The following ZNF124 variants were observed in gnomAD, a reference collection of about 807,000 sequenced individuals.
ZNF124 encodes the protein zinc finger protein 124, also known as zinc finger protein HZF-16.
ZNF124 carries 25 observed loss-of-function variants against 26.6 expected under a neutral mutation model. The ratio of observed to expected loss-of-function variants is 0.94; its 90% CI spans 0.68 to 1.31. The LOEUF is 1.31. Among genes scored for constraint, ZNF124 ranks in the 40% most tolerant of loss-of-function variants. ZNF124 has a pLI of 0.00. For synonymous variants in ZNF124, 129 were observed against 133.3 expected (o/e 0.97, Z 0.22); for missense variants, 444 against 422.2 (o/e 1.05, Z -0.45).
At position 247,157,031 on chromosome 1, in the gene ZNF124, T is replaced by C; in HGVS notation, c.591A>G (p.Glu197=). The change falls in exon 4 of 4, where the codon GAA becomes GAG. Residue 197 remains glutamate (E), a synonymous_variant. Transcript: ENST00000543802. ...FSRSSHLRDH[E]RTHTGEKPYE... is the part of the protein sequence containing the mutation. ...AGGGTTTCTCTCCAGTATGAGTTCT[T>C]TCATGGTCACGAAGGTGACTGGAAC... is the stretch of plus-strand genomic sequence containing the variant. The C allele has an allele frequency of 6.2e-7, 1 of 1,613,630 alleles. No individual in the cohort carries two copies. Among genetic ancestry groups the C allele is most frequent in the East Asian group, 2.2e-5 (1 of 44,832 alleles).
intron 3 of ZNF124, among the ~76,000 whole-genome samples, chr1:247,140,972 T>C (rs1368471764): frequency 6.6e-6 from 1 of 152,180 alleles, no homozygotes; most frequent in African/African-American, 2.4e-5. Flanking sequence ...CTCTCAGGGC[T>C]TATGTTCCTC....
chr1:247,147,393 A>T (rs1354497051), intron 3 of ZNF124, among the ~76,000 whole-genome samples: 1 of 151,384 alleles, frequency 6.6e-6, no homozygotes, highest in African/African-American at 2.4e-5. Flanking sequence ...TGCCTGGCTA[A>T]TTTTTGTATT....
intron 3 of ZNF124, among the ~76,000 whole-genome samples, chr1:247,132,240 TCAA>T (rs3039533): frequency 1.3e-5 from 2 of 151,682 alleles, no homozygotes; most frequent in African/African-American, 4.9e-5. Flanking sequence ...GACAACAGTG[TCAA>T]CAACAACAAC....
chr1:247,151,050 A>C (rs941588693), downstream of ZNF124, among the ~76,000 whole-genome samples: 5 of 152,170 alleles, frequency 3.3e-5, no homozygotes, highest in African/African-American at 7.2e-5. Flanking sequence ...TGAGCAAAGT[A>C]AGTCTTCAAA....
chr1:247,131,236 C>G (rs1040746400), intron 3 of ZNF124, among the ~76,000 whole-genome samples: 1 of 152,150 alleles, frequency 6.6e-6, no homozygotes, highest in African/African-American at 2.4e-5. Flanking sequence ...CCTCCTCCTC[C>G]AGCCCAGGGA....
chr1:247,138,103 G>A (rs1012727637), intron 3 of ZNF124: 2 of 152,156 alleles, frequency 1.3e-5, no homozygotes, highest in Non-Finnish European at 2.9e-5. Flanking sequence ...TCCCATTACT[G>A]GGTATATACC....
intron 3 of ZNF124, among the ~76,000 whole-genome samples, chr1:247,158,772 G>C (rs138340183): frequency 6.6e-6 from 1 of 152,182 alleles, no homozygotes; most frequent in Non-Finnish European, 1.5e-5. Context: ...AGGGATTACA[G>C]GCATGCACCA....
rs1326277553 is a variant in ZNF124, at chr1:247,168,046, A to G, written c.30+3802T>C. ...GGCCATAATCATAAAATAAAAAACAATAGATGCTGGGATGCTGGTGTGGAT... is the reference window on the plus strand; with the variant it reads ...GGCCATAATCATAAAATAAAAAACAGTAGATGCTGGGATGCTGGTGTGGAT... On this transcript the variant is annotated intron_variant, in intron 1 of 3. Coordinates refer to ENST00000543802, the MANE Select transcript of ZNF124 (RefSeq NM_001297568.2). The surrounding 1 kb of genome is among the most constrained non-coding windows in gnomAD (Gnocchi z 4.0). Among the ~76,000 whole-genome samples, 2 of 152,240 alleles carry G rather than the reference A, an allele frequency of 1.3e-5. No individual in the cohort carries two copies. Among genetic ancestry groups the G allele is most frequent in the Non-Finnish European group, 2.9e-5 (2 of 68,038 alleles).
downstream of ZNF124, among the ~76,000 whole-genome samples, chr1:247,150,248 A>G (rs1672893695): frequency 6.6e-6 from 1 of 152,252 alleles, no homozygotes; most frequent in Non-Finnish European, 1.5e-5. Flanking sequence ...TTTAAAATTA[A>G]ACATACAAAT....
chr1:247,154,675 C>A (rs1462716434), downstream of ZNF124, among the ~76,000 whole-genome samples: 2 of 151,926 alleles, frequency 1.3e-5, no homozygotes, highest in East Asian at 1.9e-4. Context: ...AGATTTAACC[C>A]CCCAAAAAAG....
At chr1:247,167,309 A>G (rs755414421) in intron 1 of ZNF124, among the ~76,000 whole-genome samples, 12 of 152,180 alleles carry the variant, frequency 7.9e-5, no homozygotes, top group Non-Finnish European at 1.6e-4. Flanking sequence ...AGGTTGCTGT[A>G]CAGATTTAGC....
At chr1:247,145,647 TG>T (rs1201679274) in intron 3 of ZNF124, among the ~76,000 whole-genome samples, 18 of 148,352 alleles carry the variant, frequency 1.2e-4, no homozygotes, top group African/African-American at 4.0e-4. Flanking sequence ...TTTTTTTTTT[TG>T]ACGGAGTTTC....
exon 4 of ZNF124, chr1:247,122,524 C>A (rs1437130742): frequency 6.6e-6 from 1 of 152,210 alleles, no homozygotes; most frequent in Non-Finnish European, 1.5e-5. Context: ...AAATGTGGTA[C>A]ATTTCTTTAC....
rs1184166048 is a variant in ZNF124, at chr1:247,155,245, CAAAGA to C, written c.*1316_*1320del. 5.9e-5 allele frequency among the ~76,000 whole-genome samples: 9 copies of C among 151,506 alleles called. No individual in the cohort carries two copies. The highest frequency in any genetic ancestry group is 2.0e-4 in the African/African-American group (8 of 40,950). On this transcript the variant is annotated 3_prime_UTR_variant, in exon 4 of 4. Transcript: ENST00000543802. The stretch of plus-strand genomic sequence containing the variant: ...TACAAATTGACAGCAACTCTATTAG[CAAAGA>C]AAATAGACTCATTTATCAATGGCCA...
At chr1:247,144,158 A>G (rs1672702051) in intron 3 of ZNF124, among the ~76,000 whole-genome samples, 1 of 152,144 alleles carries the variant, frequency 6.6e-6, no homozygotes, top group Non-Finnish European at 1.5e-5. Context: ...ATGCCCTTCC[A>G]TTCTCCATAT....
chr1:247,130,362 A>G (rs1300533235), intron 3 of ZNF124, among the ~76,000 whole-genome samples: 1 of 152,148 alleles, frequency 6.6e-6, no homozygotes, highest in Admixed American at 6.5e-5. Context: ...TGGGAATGCT[A>G]CCAGGGAAAA....
chr1:247,130,338 C>T (rs1288825599), intron 3 of ZNF124, among the ~76,000 whole-genome samples: 2 of 152,128 alleles, frequency 1.3e-5, no homozygotes, highest in Non-Finnish European at 2.9e-5. Flanking sequence ...AACCCGAATT[C>T]CAGGGCTTAG....
rs1386168886 is a variant in ZNF124 at position 247,168,288 on chromosome 1, G to A, written c.30+3560C>T. Among the ~76,000 whole-genome samples, 1 of 152,214 alleles carries A rather than the reference G, an allele frequency of 6.6e-6. No individual in the cohort carries two copies. ...TCATGCCTGCAATCCCAGCACTTTG[G>A]GAGGCTGAGGCAGGTGGATAACCTG... On this transcript the variant is annotated intron_variant, in intron 1 of 3. Coordinates refer to ENST00000543802, the MANE Select transcript of ZNF124 (RefSeq NM_001297568.2). The surrounding 1 kb of genome is among the most constrained non-coding windows in gnomAD (Gnocchi z 4.0).
intron 1 of ZNF124, among the ~76,000 whole-genome samples, chr1:247,161,639 A>G (rs1408478217): frequency 6.6e-6 from 1 of 152,110 alleles, no homozygotes; most frequent in Non-Finnish European, 1.5e-5. Context: ...AAAATGAATG[A>G]AAACATGATT....
Sources: allele counts gnomAD v4.1 joint callset (sites outside exome capture counted in the v4.1 genomes callset), GRCh38; gene constraint gnomAD v4.1.1; non-coding constraint Gnocchi (gnomAD v3.1); transcripts MANE v1.5; gene names NCBI Gene and HGNC (gene_info 2026-07-23, HGNC 2026-07-21).